PAPPA2: variants seen among roughly 807,000 people sequenced by gnomAD.
PAPPA2 encodes the protein pappalysin-2.
A neutral mutation model predicts 176.4 loss-of-function variants in PAPPA2; 86 were observed. The ratio of observed to expected loss-of-function variants is 0.49; its 90% confidence interval spans 0.41 to 0.58. The LOEUF (loss-of-function observed/expected upper bound fraction) is 0.58, where lower values mean the gene tolerates loss of function less well. PAPPA2 is among the 20% of genes least tolerant of loss of function. The pLI, the probability that PAPPA2 is intolerant of heterozygous loss-of-function variation, is 0.00. For synonymous variants in PAPPA2, 809 were observed against 852.2 expected, an observed-to-expected ratio of 0.95 and a Z score of 0.88; for missense variants, 2,073 against 2,256.9, an observed-to-expected ratio of 0.92 and a Z score of 1.65.
intron 1 of PAPPA2, among the ~76,000 whole-genome samples, chr1:176,518,962 A>T (rs1302979244): frequency 1.3e-5 from 2 of 152,224 alleles, no homozygotes; most frequent in Non-Finnish European, 2.9e-5. Context: ...CGTTCTAGAG[A>T]GTGGAGACCA....
intron 12 of PAPPA2, among the ~76,000 whole-genome samples, chr1:176,716,602 C>CTT (rs71299410): frequency 0.19 from 22,179 of 114,714 alleles, 2,482 homozygotes; most frequent in African/African-American, 0.31. Flanking sequence ...TTCCTTCCTT[C>CTT]TTTTTTTTTT....
At chr1:176,703,152 T>A (rs763343111) in intron 9 of PAPPA2, among the ~76,000 whole-genome samples, 6 of 152,190 alleles carry the variant, frequency 3.9e-5, no homozygotes, top group Admixed American at 6.5e-5. Flanking sequence ...ACAAATGGCC[T>A]ATTCTGCTAA....
chr1:176,842,291 T>C (rs967929057), intron 22 of PAPPA2, 89 bp from the exon 23 acceptor site: 15 of 1,220,804 alleles, frequency 1.2e-5, no homozygotes, highest in Non-Finnish European at 1.8e-5. Flanking sequence ...ACAGTTCCTC[T>C]GGGACCAAGT....
chr1:176,706,427 T>C lies in PAPPA2; in HGVS notation c.3434T>C (p.Leu1145Pro). 1 of 1,613,754 alleles carries C rather than the reference T, an allele frequency of 6.2e-7. No homozygotes were observed. Among genetic ancestry groups the C allele is most frequent in the African/African-American group, 1.3e-5 (1 of 75,034 alleles). The change falls in exon 10 of 23, where the codon CTG (leucine) becomes CCG (proline). Residue 1145 changes from leucine to proline, a missense_variant. By Grantham distance (98) the Leu-to-Pro change is moderately conservative. This residue lies in a region of PAPPA2 where 846 missense variants were observed against 857.9 expected (regional missense o/e 0.99). Transcript: ENST00000367662. ...SGDGCSKVCE[L>P]EEGFNCVGEP... The stretch of plus-strand genomic sequence containing the variant: ...GATGGCTGCTCCAAGGTGTGTGAGC[T>C]GGAGGAAGGTTTCAACTGTGTAGGT...
intron 1 of PAPPA2, among the ~76,000 whole-genome samples, chr1:176,467,205 C>T (rs1057275687): frequency 6.6e-6 from 1 of 152,060 alleles, no homozygotes; most frequent in Admixed American, 6.6e-5. Flanking sequence ...TATCTAAACA[C>T]CTCCAAACAT....
intron 4 of PAPPA2, among the ~76,000 whole-genome samples, chr1:176,671,917 G>C (rs1307198562): frequency 8.6e-6 from 1 of 116,472 alleles, no homozygotes; most frequent in East Asian, 3.0e-4. Flanking sequence ...GTTGTGGGGT[G>C]GGGGGAGGGG....
At chr1:176,531,382 G>A (rs756075574) in intron 1 of PAPPA2, among the ~76,000 whole-genome samples, 12 of 152,198 alleles carry the variant, frequency 7.9e-5, no homozygotes, top group Non-Finnish European at 1.6e-4. Flanking sequence ...CTGTCTGGGC[G>A]CTAGGGTGTA....
At chr1:176,642,904 C>T (rs953906275) in intron 3 of PAPPA2, among the ~76,000 whole-genome samples, 3 of 151,936 alleles carry the variant, frequency 2.0e-5, no homozygotes, top group African/African-American at 7.2e-5. Flanking sequence ...ATGACATTCT[C>T]TTCTTTTTGA....
intron 2 of PAPPA2, among the ~76,000 whole-genome samples, chr1:176,570,988 G>A (rs897757094): frequency 8.5e-5 from 13 of 152,120 alleles, no homozygotes; most frequent in Non-Finnish European, 1.9e-4. Context: ...CTGCTTAGCA[G>A]TGGAAGCCTT....
At chr1:176,523,396 A>G (rs10913194) in intron 1 of PAPPA2, among the ~76,000 whole-genome samples, 5,351 of 152,224 alleles carry the variant, frequency 0.035, 252 homozygotes, top group African/African-American at 0.12. Context: ...AGACTGTCAG[A>G]TTATCTCTGG....
intron 3 of PAPPA2, among the ~76,000 whole-genome samples, chr1:176,643,028 A>T (rs1174441360): frequency 6.6e-6 from 1 of 151,914 alleles, no homozygotes; most frequent in East Asian, 1.9e-4. Flanking sequence ...TAAAAAACAT[A>T]TAAGACCTCA....
intron 14 of PAPPA2, among the ~76,000 whole-genome samples, chr1:176,742,966 A>G (rs1195579087): frequency 2.0e-5 from 3 of 152,056 alleles, no homozygotes; most frequent in Admixed American, 6.6e-5. Context: ...TTTAAAACCA[A>G]CCTGATTGGC....
intron 14 of PAPPA2, among the ~76,000 whole-genome samples, chr1:176,750,284 C>T (rs1368070246): frequency 6.6e-6 from 1 of 151,996 alleles, no homozygotes; most frequent in Non-Finnish European, 1.5e-5. Flanking sequence ...TATTAATAGC[C>T]TACTGATGCC....
Position 176,844,294 on chromosome 1 carries a change from C to T in PAPPA2, c.*1840C>T, listed in dbSNP as rs16850248. The T allele has an allele frequency of 0.087, 13,164 of 152,120 alleles. 1,925 individuals are homozygous for T. Among genetic ancestry groups the T allele is most frequent in the African/African-American group, 0.3 (12,461 of 41,454 alleles). The allele number at this position is 152,120 out of a possible 1,614,324, so 9.4% of individuals were successfully genotyped here. A position where few individuals can be genotyped will look rare whatever the true frequency, so the allele number is the denominator to read the frequency against. On this transcript the variant is annotated 3_prime_UTR_variant, in exon 23 of 23. Transcript: ENST00000367662. ...TTTGACCACAGTTTTTCTACTCTTC[C>T]CATCAACACTAGAGCAATGGCTGTG...
intron 12 of PAPPA2, among the ~76,000 whole-genome samples, chr1:176,738,239 A>G (rs1029439463): frequency 1.1e-4 from 16 of 152,042 alleles, no homozygotes; most frequent in African/African-American, 3.9e-4. Context: ...AACATTTGTT[A>G]CTTCAAAGAG....
intron 12 of PAPPA2, among the ~76,000 whole-genome samples, chr1:176,725,300 T>C (rs183861197): frequency 2.5e-3 from 374 of 152,342 alleles, no homozygotes; most frequent in Non-Finnish European, 4.1e-3. Flanking sequence ...CAGATTTGGC[T>C]TGTGGACAAT....
intron 1 of PAPPA2, among the ~76,000 whole-genome samples, chr1:176,525,252 G>T (rs1649437882): frequency 6.6e-6 from 1 of 152,198 alleles, no homozygotes; most frequent in African/African-American, 2.4e-5. Context: ...CAATCACTCA[G>T]TTGAGCAAGA....
intron 3 of PAPPA2, among the ~76,000 whole-genome samples, chr1:176,654,438 T>C (rs1657914050): frequency 6.7e-6 from 1 of 148,990 alleles, no homozygotes; most frequent in Non-Finnish European, 1.5e-5. Flanking sequence ...TCAGATATAA[T>C]ACATATATAT....
At position 176,845,329 on chromosome 1, in the gene PAPPA2, G is replaced by A. The variant is rs1392177090; in HGVS notation, c.*2875G>A. 1 of 152,190 alleles carries A rather than the reference G, an allele frequency of 6.6e-6. No individual in the cohort carries two copies. The highest frequency in any genetic ancestry group is 1.5e-5 in the Non-Finnish European group (1 of 68,044). 9.4% of individuals were successfully genotyped at this position (152,190 alleles called of 1,614,324 possible). On this transcript the variant is annotated 3_prime_UTR_variant, in exon 23 of 23. Transcript: ENST00000367662. The stretch of plus-strand genomic sequence containing the variant: ...TAAGGGGACAGGGTGAGGAGAATGG[G>A]CAGATACTGACAGAAATTAAAGTAA...
Sources: allele counts gnomAD v4.1 joint callset (sites outside exome capture counted in the v4.1 genomes callset), GRCh38; gene constraint gnomAD v4.1.1; regional missense constraint gnomAD v4.1.1; transcripts MANE v1.5; gene names NCBI Gene and HGNC (gene_info 2026-07-23, HGNC 2026-07-21).